The following SPECC1 variants were observed in gnomAD, a reference collection of about 807,000 sequenced individuals.
SPECC1 encodes cytospin-B.
SPECC1 carries 62 observed loss-of-function variants against 104.1 expected under a neutral mutation model. That is an observed-to-expected ratio of 0.60 (90% CI 0.49 to 0.74). The LOEUF is 0.74. Among genes scored for constraint, SPECC1 ranks in the 30% least tolerant of loss-of-function variants. The pLI, the probability that SPECC1 is intolerant of heterozygous loss-of-function variation, is 0.00. For synonymous variants in SPECC1, 513 were observed against 501.6 expected, an observed-to-expected ratio of 1.02 and a Z score of -0.30; for missense variants, 1,306 against 1,310.5, an observed-to-expected ratio of 1.00 and a Z score of 0.05.
At chr17:20,064,498 T>C (rs1436131438) in intron 1 of SPECC1, among the ~76,000 whole-genome samples, 1 of 152,158 alleles carries the variant, frequency 6.6e-6, no homozygotes, top group Non-Finnish European at 1.5e-5. Flanking sequence ...GGAAGCACAG[T>C]GTGGGTGGCA....
chr17:20,069,541 G>C (rs2046472835), intron 1 of SPECC1, among the ~76,000 whole-genome samples: 1 of 152,096 alleles, frequency 6.6e-6, no homozygotes, highest in Non-Finnish European at 1.5e-5. Flanking sequence ...GTCTAACTTT[G>C]TTCTTTTATA....
intron 12 of SPECC1, among the ~76,000 whole-genome samples, chr17:20,285,403 T>G (rs2040909477): frequency 6.6e-6 from 1 of 152,068 alleles, no homozygotes; most frequent in African/African-American, 2.4e-5. Context: ...TGGACAAAAT[T>G]CTGTATCTTA....
chr17:20,184,206 T>TGTAGAGGTAA (rs1279520989), intron 3 of SPECC1, among the ~76,000 whole-genome samples: 138 of 138,516 alleles, frequency 1.0e-3, no homozygotes, highest in Middle Eastern at 3.8e-3. Flanking sequence ...AAAAAAAAGA[T>TGTAGAGGTAA]GTAGAGGTAA....
At chr17:20,035,196 G>A (rs919127871) in intron 1 of SPECC1, among the ~76,000 whole-genome samples, 5 of 152,206 alleles carry the variant, frequency 3.3e-5, no homozygotes, top group Non-Finnish European at 7.3e-5. Context: ...AGCTATGTAA[G>A]TCTTGAAACT....
intron 1 of SPECC1, among the ~76,000 whole-genome samples, chr17:20,021,000 A>G (rs1274693914): frequency 6.6e-6 from 1 of 152,204 alleles, no homozygotes; most frequent in East Asian, 1.9e-4. Context: ...GTCAATTAAC[A>G]TTTATTTTGC....
chr17:20,265,387 T>C (rs551607502), intron 12 of SPECC1, among the ~76,000 whole-genome samples: 1 of 152,378 alleles, frequency 6.6e-6, no homozygotes, highest in Non-Finnish European at 1.5e-5. Flanking sequence ...TTCATGTTTA[T>C]TGAATGTATA....
chr17:20,156,023 G>T, intron 3 of SPECC1: 2 of 1,287,288 alleles, frequency 1.6e-6, no homozygotes, highest in Non-Finnish European at 2.0e-6. Context: ...ACGGGCGCGG[G>T]AGAGCAGCGG....
intron 14 of SPECC1, among the ~76,000 whole-genome samples, chr17:20,308,482 T>TA (rs1212473957): frequency 3.3e-5 from 5 of 151,670 alleles, no homozygotes; most frequent in Middle Eastern, 3.4e-3. Context: ...TGTGAAATCT[T>TA]ACCACCATGA....
At chr17:20,027,733 C>T (rs1437945127) in intron 1 of SPECC1, among the ~76,000 whole-genome samples, 1 of 152,054 alleles carries the variant, frequency 6.6e-6, no homozygotes, top group Non-Finnish European at 1.5e-5. Context: ...TTTTTGGGTT[C>T]TTTATTCTGT....
At chr17:20,163,823 A>G (rs1166758967) in intron 3 of SPECC1, among the ~76,000 whole-genome samples, 1 of 152,104 alleles carries the variant, frequency 6.6e-6, no homozygotes, top group Admixed American at 6.5e-5. Flanking sequence ...GGCCTCCCAA[A>G]GTGCTGAGAT....
intron 1 of SPECC1, among the ~76,000 whole-genome samples, chr17:20,053,130 T>G (rs2152463061): frequency 6.6e-6 from 1 of 152,326 alleles, no homozygotes. Context: ...CAAAACATGC[T>G]TATATGGTTC....
intron 10 of SPECC1, among the ~76,000 whole-genome samples, 184 bp from the exon 11 acceptor site, chr17:20,257,267 G>A (rs2039865593): frequency 6.6e-6 from 1 of 152,208 alleles, no homozygotes; most frequent in African/African-American, 2.4e-5. Context: ...GCTAGATGCT[G>A]TAAATGATGT....
At chr17:20,154,383 A>C (rs1272546790) in intron 3 of SPECC1, among the ~76,000 whole-genome samples, 1 of 152,166 alleles carries the variant, frequency 6.6e-6, no homozygotes, top group Non-Finnish European at 1.5e-5. Context: ...AGAGAGGGTG[A>C]GACATAAGGT....
chr17:20,056,083 G>A (rs2045953607), intron 1 of SPECC1, among the ~76,000 whole-genome samples: 1 of 152,178 alleles, frequency 6.6e-6, no homozygotes, highest in Admixed American at 6.5e-5. Context: ...AGAGGTAGAG[G>A]ATCTGGACTT....
intron 1 of SPECC1, among the ~76,000 whole-genome samples, chr17:20,012,377 G>T (rs948069763): frequency 6.6e-6 from 1 of 151,684 alleles, no homozygotes; most frequent in Non-Finnish European, 1.5e-5. Flanking sequence ...TCTTGTAGGG[G>T]TTTTTGTACT....
At chr17:20,228,389 T>C (rs1461599368) in intron 5 of SPECC1, among the ~76,000 whole-genome samples, 1 of 152,188 alleles carries the variant, frequency 6.6e-6, no homozygotes, top group Non-Finnish European at 1.5e-5. Flanking sequence ...GTGTTTTGTG[T>C]GAGCCATGCT....
At chr17:20,043,970 C>T (rs377388228) in intron 1 of SPECC1, among the ~76,000 whole-genome samples, 2 of 152,092 alleles carry the variant, frequency 1.3e-5, no homozygotes, top group South Asian at 2.1e-4. Flanking sequence ...AGGAGAGTAT[C>T]TTTTCAATTT....
At chr17:20,200,977 A>C (rs1489861541) in intron 3 of SPECC1, among the ~76,000 whole-genome samples, 2 of 152,138 alleles carry the variant, frequency 1.3e-5, no homozygotes, top group Admixed American at 6.5e-5. Context: ...TCATAAATAT[A>C]CTTTAGTTTC....
At chr17:20,116,610 T>A (rs548589487) in intron 3 of SPECC1, among the ~76,000 whole-genome samples, 1 of 152,146 alleles carries the variant, frequency 6.6e-6, no homozygotes, top group Non-Finnish European at 1.5e-5. Context: ...AAGATTAAAC[T>A]TAGTACAAGA....
Sources: gnomAD v4.1 joint callset for allele counts (sites outside exome capture counted in the v4.1 genomes callset) on GRCh38, gnomAD v4.1.1 for gene constraint, MANE v1.5 for transcripts, NCBI Gene and HGNC (gene_info 2026-07-23, HGNC 2026-07-21) for gene names.